The following GRM3 variants were observed in gnomAD, a reference collection of about 807,000 sequenced individuals.
GRM3 encodes glutamate metabotropic receptor 3.
A neutral mutation model predicts 70.5 loss-of-function variants in GRM3; 26 were observed. The ratio of observed to expected loss-of-function variants is 0.37; its 90% CI spans 0.27 to 0.51. The LOEUF is 0.51. GRM3 is among the 20% of genes least tolerant of loss of function. The pLI, the probability that GRM3 is intolerant of heterozygous loss-of-function variation, is 0.93. For synonymous variants in GRM3, 443 were observed against 434.9 expected (o/e 1.02, Z -0.23); for missense variants, 859 against 1,123.8 (o/e 0.76, Z 3.37).
At position 86,644,386 on chromosome 7, in the gene GRM3, T is replaced by G; in HGVS notation, c.-627T>G. ...AGGAGGTCCGTGCTTCTGCCAAGAG[T>G]CCCAATTAGATGCGACGGCTTCAGC... On this transcript the variant is annotated 5_prime_UTR_variant, in exon 1 of 6. Transcript: ENST00000361669. 3.3e-6 allele frequency: 1 copy of G among 302,630 alleles called. No homozygotes were observed. The highest frequency in any genetic ancestry group is 6.4e-6 in the Non-Finnish European group (1 of 155,068). The allele number at this position is 302,630 out of a possible 1,614,324, so 18.7% of individuals were successfully genotyped here. A position where few individuals can be genotyped will look rare whatever the true frequency, so the allele number is the denominator to read the frequency against.
At chr7:86,791,625 C>T (rs576443984) in intron 3 of GRM3, among the ~76,000 whole-genome samples, 2 of 152,136 alleles carry the variant, frequency 1.3e-5, no homozygotes, top group Non-Finnish European at 2.9e-5. Flanking sequence ...TGCATGTGCA[C>T]GAGGACTCTG....
At chr7:86,828,349 C>T (rs902672690) in intron 3 of GRM3, among the ~76,000 whole-genome samples, 3 of 152,046 alleles carry the variant, frequency 2.0e-5, no homozygotes, top group Admixed American at 2.0e-4. Flanking sequence ...AACTCACATA[C>T]AATTTACTAT....
At chr7:86,759,434 A>G (rs903275098) in intron 1 of GRM3, among the ~76,000 whole-genome samples, 19 of 152,112 alleles carry the variant, frequency 1.2e-4, no homozygotes, top group African/African-American at 3.6e-4. Context: ...ATCTGAATGA[A>G]ATTTCCAAAT....
At chr7:86,817,222 T>A (rs1281615021) in intron 3 of GRM3, among the ~76,000 whole-genome samples, 1 of 151,932 alleles carries the variant, frequency 6.6e-6, no homozygotes, top group Non-Finnish European at 1.5e-5. Flanking sequence ...CCAAGAAACC[T>A]TAAATGCTTT....
intron 1 of GRM3, among the ~76,000 whole-genome samples, chr7:86,725,563 C>T (rs927855454): frequency 2.6e-5 from 4 of 152,166 alleles, no homozygotes; most frequent in Non-Finnish European, 5.9e-5. Flanking sequence ...ATAGGAGAAT[C>T]AGACTCCCAC....
At chr7:86,835,576 T>C (rs1798441911) in intron 3 of GRM3, among the ~76,000 whole-genome samples, 1 of 152,164 alleles carries the variant, frequency 6.6e-6, no homozygotes, top group South Asian at 2.1e-4. Flanking sequence ...TATACATATA[T>C]GACAAGCATT....
At position 86,765,503 on chromosome 7, in the gene GRM3, G is replaced by C. The variant is rs1417178434; in HGVS notation, c.358G>C (p.Val120Leu). The C allele has an allele frequency of 6.2e-7, 1 of 1,613,926 alleles. No individual in the cohort carries two copies. Residue 120 changes from valine (V) to leucine (L), a missense_variant, in exon 2 of 6, where the codon GTG (valine) becomes CTG (leucine). Coordinates refer to ENST00000361669, the MANE Select transcript of GRM3 (RefSeq NM_000840.3). Reference sequence around the variant, plus strand: ...GTTTGTCAGGGCATCTTTGACAAAAGTGGATGAAGCTGAGTATATGTGTCC... The same window carrying C: ...GTTTGTCAGGGCATCTTTGACAAAACTGGATGAAGCTGAGTATATGTGTCC... The part of the protein sequence containing the change: ...LEFVRASLTK[V>L]DEAEYMCPDG...
intron 1 of GRM3, among the ~76,000 whole-genome samples, chr7:86,752,139 C>G (rs999182795): frequency 2.6e-5 from 4 of 152,102 alleles, no homozygotes; most frequent in Non-Finnish European, 5.9e-5. Flanking sequence ...TGCCAGCACT[C>G]GAGAAACCCT....
chr7:86,787,687 AT>A (rs1797295853), intron 3 of GRM3, among the ~76,000 whole-genome samples: 1 of 152,154 alleles, frequency 6.6e-6, no homozygotes, highest in Admixed American at 6.5e-5. Context: ...ACATTTATAT[AT>A]TATTAATAGT....
intron 1 of GRM3, among the ~76,000 whole-genome samples, chr7:86,671,747 C>A (rs1794178305): frequency 6.6e-6 from 1 of 152,188 alleles, no homozygotes; most frequent in African/African-American, 2.4e-5. Flanking sequence ...TCAATTCTCT[C>A]AGATAATTAG....
intron 2 of GRM3, among the ~76,000 whole-genome samples, chr7:86,774,047 G>A (rs1796817017): frequency 6.6e-6 from 1 of 152,088 alleles, no homozygotes; most frequent in Non-Finnish European, 1.5e-5. Context: ...TTTATGCTAT[G>A]ATTATAGATT....
intron 3 of GRM3, among the ~76,000 whole-genome samples, chr7:86,805,686 A>C (rs149960365): frequency 6.6e-6 from 1 of 152,282 alleles, no homozygotes; most frequent in African/African-American, 2.4e-5. Context: ...ATCATATAGT[A>C]TGTGCCTTTT....
intron 5 of GRM3, among the ~76,000 whole-genome samples, chr7:86,861,771 T>A (rs1050177205): frequency 5.3e-5 from 8 of 152,284 alleles, no homozygotes; most frequent in African/African-American, 1.4e-4. Context: ...TAAGCCAGAA[T>A]AAAGAGTTAG....
At chr7:86,679,545 A>G (rs905858643) in intron 1 of GRM3, among the ~76,000 whole-genome samples, 1 of 152,068 alleles carries the variant, frequency 6.6e-6, no homozygotes, top group African/African-American at 2.4e-5. Context: ...TCACATGGGA[A>G]AATAAAATTA....
At chr7:86,791,593 T>A (rs1429257121) in intron 3 of GRM3, among the ~76,000 whole-genome samples, 1 of 152,206 alleles carries the variant, frequency 6.6e-6, no homozygotes, top group Non-Finnish European at 1.5e-5. Context: ...GAAATTCATG[T>A]CACCTGACCC....
chr7:86,668,787 A>G (rs188519958), intron 1 of GRM3, among the ~76,000 whole-genome samples: 4 of 152,168 alleles, frequency 2.6e-5, no homozygotes, highest in Admixed American at 6.5e-5. Context: ...AAAGCAAACT[A>G]TTGTCGTTTT....
chr7:86,792,488 T>C (rs887581975), intron 3 of GRM3, among the ~76,000 whole-genome samples: 2 of 152,216 alleles, frequency 1.3e-5, no homozygotes, highest in Non-Finnish European at 2.9e-5. Context: ...CTCTCTGCAA[T>C]TCTTAGGGTT....
At position 86,730,183 on chromosome 7, in the gene GRM3, G is replaced by A. The variant is rs949558476; in HGVS notation, c.-140-34823G>A. 3.3e-5 allele frequency among the ~76,000 whole-genome samples: 5 copies of A among 151,992 alleles called. No homozygotes were observed. In the South Asian group the frequency reaches 1.0e-3, roughly 32 times the overall value. On this transcript the variant is annotated intron_variant, in intron 1 of 5. Coordinates refer to ENST00000361669, the MANE Select transcript of GRM3 (RefSeq NM_000840.3). The stretch of plus-strand genomic sequence containing the variant: ...TGCCTGTAATCCCAGCACATTAGGA[G>A]GCCGAGGCAGGCAGATCACTTGAGG...
At chr7:86,863,239 T>C (rs1023065284) in intron 5 of GRM3, among the ~76,000 whole-genome samples, 4 of 152,154 alleles carry the variant, frequency 2.6e-5, no homozygotes, top group Admixed American at 6.6e-5. Context: ...AGATTTCTCA[T>C]GAAATAAAAC....
Sources: allele counts gnomAD v4.1 joint callset (sites outside exome capture counted in the v4.1 genomes callset), GRCh38; gene constraint gnomAD v4.1.1; transcripts MANE v1.5; gene names NCBI Gene and HGNC (gene_info 2026-07-23, HGNC 2026-07-21).